The following PCDHGA1 variants were observed in gnomAD, a reference collection of about 807,000 sequenced individuals.
PCDHGA1 encodes the protein protocadherin gamma subfamily A, 1, also known as protocadherin gamma-A1.
A neutral mutation model predicts 58.0 loss-of-function variants in PCDHGA1; 32 were observed. The ratio of observed to expected loss-of-function variants is 0.55; its 90% CI spans 0.42 to 0.74. The LOEUF is 0.74. Among genes scored for constraint, PCDHGA1 ranks in the 30% least tolerant of loss-of-function variants. PCDHGA1 has a pLI of 0.00. For synonymous variants in PCDHGA1, 498 were observed against 501.1 expected (o/e 0.99, Z 0.08); for missense variants, 1,205 against 1,182.3 (o/e 1.02, Z -0.28).
intron 1 of PCDHGA1, among the ~76,000 whole-genome samples, chr5:141,451,329 A>G (rs991467686): frequency 2.6e-5 from 4 of 152,196 alleles, no homozygotes; most frequent in African/African-American, 9.6e-5. Context: ...ACCTAAGGCT[A>G]TTGTCTTATC....
chr5:141,474,208 A>C (rs1243312558), intron 1 of PCDHGA1, among the ~76,000 whole-genome samples: 1 of 152,242 alleles, frequency 6.6e-6, no homozygotes, highest in Non-Finnish European at 1.5e-5. Context: ...TGATTTTCAA[A>C]AACCAGATTG....
intron 1 of PCDHGA1, chr5:141,419,579 C>A: frequency 6.2e-7 from 1 of 1,611,812 alleles, no homozygotes; most frequent in Non-Finnish European, 8.5e-7. Flanking sequence ...CGGCTCCGCG[C>A]TCTTCGACAC....
At chr5:141,376,517 T>C (rs547172009) in intron 1 of PCDHGA1, 1 of 1,613,950 alleles carries the variant, frequency 6.2e-7, no homozygotes, top group East Asian at 2.2e-5. Flanking sequence ...GGTGAGTTTC[T>C]TTCCGCCTAA....
chr5:141,389,491 G>C, intron 1 of PCDHGA1: 1 of 1,612,994 alleles, frequency 6.2e-7, no homozygotes, highest in Non-Finnish European at 8.5e-7. Context: ...CGCGACCAGG[G>C]CTCGCCAGCG....
intron 1 of PCDHGA1, among the ~76,000 whole-genome samples, chr5:141,472,869 C>T (rs919331906): frequency 6.6e-6 from 1 of 151,388 alleles, no homozygotes; most frequent in Non-Finnish European, 1.5e-5. Context: ...GCCTGTATTC[C>T]CAGCTACTCG....
intron 1 of PCDHGA1, chr5:141,339,146 C>G (rs746677262): frequency 1.2e-6 from 2 of 1,614,218 alleles, no homozygotes; most frequent in Non-Finnish European, 1.7e-6. Flanking sequence ...GCCCCTGGCA[C>G]TGGCAGAGCA....
chr5:141,505,520 C>T, intron 3 of PCDHGA1, 39 bp downstream of exon 3: 1 of 1,612,650 alleles, frequency 6.2e-7, no homozygotes, highest in Non-Finnish European at 8.5e-7. Flanking sequence ...AGTGGGAGAC[C>T]TGGGGTTCTG....
chr5:141,375,967 G>C (rs200712802), intron 1 of PCDHGA1: 9 of 1,613,254 alleles, frequency 5.6e-6, no homozygotes, highest in East Asian at 2.2e-5. Flanking sequence ...AGGTGCGCAC[G>C]GCGCGCGCCC....
At chr5:141,457,750 C>G (rs900052683) in intron 1 of PCDHGA1, among the ~76,000 whole-genome samples, 4 of 152,188 alleles carry the variant, frequency 2.6e-5, no homozygotes, top group African/African-American at 9.6e-5. Flanking sequence ...AAGCTGAGCC[C>G]AGACATGGGT....
chr5:141,423,513 G>A, intron 1 of PCDHGA1: 2 of 1,613,750 alleles, frequency 1.2e-6, no homozygotes. Context: ...CTCTCATTGC[G>A]GACTCGCAGA....
chr5:141,405,118 G>T (rs368800698), intron 1 of PCDHGA1: 1 of 1,613,946 alleles, frequency 6.2e-7, no homozygotes, highest in Non-Finnish European at 8.5e-7. Context: ...GGCACTCCTC[G>T]CATCTGCTGC....
At chr5:141,357,292 G>A (rs1940916044) in intron 1 of PCDHGA1, 1 of 1,613,972 alleles carries the variant, frequency 6.2e-7, no homozygotes. Flanking sequence ...GGTGGCAGTG[G>A]CCGCTGTCTC....
intron 3 of PCDHGA1, among the ~76,000 whole-genome samples, chr5:141,506,564 G>A (rs984395438): frequency 5.3e-5 from 8 of 152,016 alleles, no homozygotes; most frequent in East Asian, 1.9e-4. Context: ...AAACCCCCTC[G>A]GTTTCACTTA....
At chr5:141,413,012 A>T in intron 1 of PCDHGA1, 1 of 657,714 alleles carries the variant, frequency 1.5e-6, no homozygotes, top group Non-Finnish European at 2.5e-6. Context: ...GGCTTCAACT[A>T]CACAAGCCCC....
chr5:141,406,976 A>G (rs773444464), intron 1 of PCDHGA1, among the ~76,000 whole-genome samples: 12 of 152,244 alleles, frequency 7.9e-5, no homozygotes, highest in Non-Finnish European at 1.8e-4. Flanking sequence ...AGTAAATAAC[A>G]TTTCACAAGA....
At chr5:141,383,997 T>C (rs1160859584) in intron 1 of PCDHGA1, 1 of 1,613,870 alleles carries the variant, frequency 6.2e-7, no homozygotes, top group Admixed American at 1.7e-5. Flanking sequence ...GGACAGTCAT[T>C]GCTCTTTTCT....
intron 1 of PCDHGA1, chr5:141,384,749 T>C (rs781370362): frequency 5.0e-6 from 8 of 1,613,822 alleles, no homozygotes; most frequent in Non-Finnish European, 4.2e-6. Flanking sequence ...CCAGGACTCT[T>C]TGCGGTTGGG....
At chr5:141,428,448 T>C in intron 1 of PCDHGA1, 12 of 375,612 alleles carry the variant, frequency 3.2e-5, no homozygotes, top group South Asian at 2.4e-4. Flanking sequence ...CAGGGGTTTT[T>C]CCCAACTACA....
chr5:141,489,893 G>A lies in PCDHGA1; in HGVS notation c.2422-4914G>A. ...CTGGTGCTTACTGCTGTGGATGGGG[G>A]GACCCCAGCCCGCTCAGGGACCACC... On this transcript the variant is annotated intron_variant, in intron 1 of 3. Transcript: ENST00000517417. This position sits in a 1 kb window ranked among gnomAD's most constrained non-coding sequence, Gnocchi z 4.5. 6.2e-7 allele frequency: 1 copy of A among 1,614,190 alleles called. No individual in the cohort carries two copies. Among genetic ancestry groups the A allele is most frequent in the South Asian group, 1.1e-5 (1 of 91,084 alleles).
Sources: gnomAD v4.1 joint callset for allele counts (sites outside exome capture counted in the v4.1 genomes callset) on GRCh38, gnomAD v4.1.1 for gene constraint, Gnocchi (gnomAD v3.1) non-coding constraint, MANE v1.5 for transcripts, NCBI Gene and HGNC (gene_info 2026-07-23, HGNC 2026-07-21) for gene names.